The following CTNNA2 variants were observed in gnomAD, a reference collection of about 807,000 sequenced individuals.
CTNNA2 encodes the protein catenin alpha-2.
In CTNNA2, 42 loss-of-function variants were observed where a neutral mutation model predicts 101.0. The observed-to-expected ratio is 0.42, with a 90% confidence interval of 0.32 to 0.54. CTNNA2 has a LOEUF of 0.54. Among genes scored for constraint, CTNNA2 ranks in the 20% least tolerant of loss-of-function variants. The probability of loss-of-function intolerance (pLI) is 0.14; values close to 1 mark genes in which losing one functional copy is unlikely to be tolerated. For synonymous variants in CTNNA2, 450 were observed against 456.4 expected, an observed-to-expected ratio of 0.99 and a Z score of 0.18; for missense variants, 871 against 1,223.1, an observed-to-expected ratio of 0.71 and a Z score of 4.29.
chr2:80,101,213 G>A lies in CTNNA2; in HGVS notation c.1056+191416G>A, dbSNP rs149127631. ...ATTAACTACCACAACAAAAAGATTT[G>A]GAAAATGTCCATTTTGATGCATTTC... is the stretch of plus-strand genomic sequence containing the variant. On this transcript the variant is annotated intron_variant, in intron 7 of 18. Coordinates refer to ENST00000402739, the MANE Select transcript of CTNNA2 (RefSeq NM_001282597.3). Among the ~76,000 whole-genome samples, 32 of 152,206 alleles carry A rather than the reference G, an allele frequency of 2.1e-4. No individual in the cohort carries two copies. The East Asian group carries it at 6.0e-3, about 29-fold the overall frequency.
At chr2:80,142,272 T>C (rs1703061318) in intron 7 of CTNNA2, among the ~76,000 whole-genome samples, 1 of 152,164 alleles carries the variant, frequency 6.6e-6, no homozygotes, top group Non-Finnish European at 1.5e-5. Context: ...CTGTAAGTCA[T>C]TGGGAAGTTG....
intron 2 of CTNNA2, among the ~76,000 whole-genome samples, chr2:79,742,359 AT>A (rs754771990): frequency 2.5e-4 from 38 of 152,136 alleles, no homozygotes; most frequent in East Asian, 1.2e-3. Context: ...CTAAAAAAAA[AT>A]AGATTATGAA....
chr2:80,276,543 C>A (rs1673917033), intron 7 of CTNNA2, among the ~76,000 whole-genome samples: 3 of 152,016 alleles, frequency 2.0e-5, no homozygotes, highest in African/African-American at 7.3e-5. Context: ...AAGCATGGTG[C>A]CAGCACCTGC....
At chr2:79,408,829 T>G (rs1233776284) in intron 4 of CTNNA2, among the ~76,000 whole-genome samples, 3 of 151,838 alleles carry the variant, frequency 2.0e-5, no homozygotes, top group Non-Finnish European at 4.4e-5. Flanking sequence ...ATGGGATGGC[T>G]GGGTCAAATG....
chr2:79,386,925 A>G (rs1292665122), intron 4 of CTNNA2, among the ~76,000 whole-genome samples: 1 of 152,136 alleles, frequency 6.6e-6, no homozygotes, highest in Non-Finnish European at 1.5e-5. Flanking sequence ...CACATTGTCA[A>G]CCTGCCCCCA....
At chr2:80,342,316 A>G (rs1672318531) in intron 7 of CTNNA2, among the ~76,000 whole-genome samples, 1 of 152,210 alleles carries the variant, frequency 6.6e-6, no homozygotes, top group Non-Finnish European at 1.5e-5. Context: ...GAGTTGGGCC[A>G]TCCAGACAAC....
At chr2:79,477,558 GA>G (rs1183935632) in intron 4 of CTNNA2, among the ~76,000 whole-genome samples, 1 of 152,052 alleles carries the variant, frequency 6.6e-6, no homozygotes, top group African/African-American at 2.4e-5. Context: ...GAATAAAGGA[GA>G]AAAAAATGTG....
intron 18 of CTNNA2, among the ~76,000 whole-genome samples, chr2:80,625,884 GTTAAC>G (rs555522512): frequency 3.7e-4 from 56 of 152,044 alleles, no homozygotes; most frequent in South Asian, 3.5e-3. Context: ...TATTTTTCTA[GTTAAC>G]TTAATTTCTT....
intron 7 of CTNNA2, among the ~76,000 whole-genome samples, chr2:80,349,779 G>A (rs890722437): frequency 3.9e-5 from 6 of 151,960 alleles, no homozygotes; most frequent in Admixed American, 1.3e-4. Context: ...CTTAGCCTCC[G>A]GAGTTGCTGG....
At chr2:79,413,743 G>T (rs945433990) in intron 4 of CTNNA2, among the ~76,000 whole-genome samples, 18 of 151,678 alleles carry the variant, frequency 1.2e-4, no homozygotes, top group Admixed American at 8.6e-4. Context: ...TCATATTTTT[G>T]ATAATAGCTG....
chr2:79,621,902 C>T (rs1387398238), intron 1 of CTNNA2, among the ~76,000 whole-genome samples: 2 of 152,276 alleles, frequency 1.3e-5, no homozygotes, highest in East Asian at 3.9e-4. Flanking sequence ...AAAACTCTCA[C>T]ATGAGTAGCA....
At chr2:79,404,962 GTTTA>G (rs1678326521) in intron 4 of CTNNA2, among the ~76,000 whole-genome samples, 1 of 151,960 alleles carries the variant, frequency 6.6e-6, no homozygotes, top group African/African-American at 2.4e-5. Context: ...GAACCATGTA[GTTTA>G]TACACTTAAG....
At chr2:80,426,459 T>C (rs1681001478) in intron 9 of CTNNA2, among the ~76,000 whole-genome samples, 1 of 152,178 alleles carries the variant, frequency 6.6e-6, no homozygotes, top group African/African-American at 2.4e-5. Context: ...ATCTCTACCA[T>C]GCACACCTGA....
intron 7 of CTNNA2, among the ~76,000 whole-genome samples, chr2:80,364,035 A>T (rs1674668597): frequency 6.6e-6 from 1 of 152,078 alleles, no homozygotes; most frequent in Non-Finnish European, 1.5e-5. Flanking sequence ...TGTCATCCTT[A>T]AATATTCTCT....
intron 4 of CTNNA2, among the ~76,000 whole-genome samples, chr2:79,400,871 T>C (rs1678283031): frequency 6.6e-6 from 1 of 151,742 alleles, no homozygotes; most frequent in African/African-American, 2.4e-5. Flanking sequence ...TGTTGAAAAA[T>C]AAAGACCCTT....
At chr2:79,443,903 A>ACTCTCTCTCTCT (rs3979544) in intron 4 of CTNNA2, among the ~76,000 whole-genome samples, 34 of 141,910 alleles carry the variant, frequency 2.4e-4, no homozygotes, top group African/African-American at 5.4e-4. Flanking sequence ...TTGTATACAT[A>ACTCTCTCTCTCT]CTCTCTCTCT....
chr2:79,692,002 CA>C (rs1374582333), intron 2 of CTNNA2, among the ~76,000 whole-genome samples: 1 of 152,106 alleles, frequency 6.6e-6, no homozygotes, highest in African/African-American at 2.4e-5. Flanking sequence ...GCAATGGCAA[CA>C]AAAGGCAAAA....
At chr2:79,844,989 C>CACACACACACACACAA (rs1438935868) in intron 3 of CTNNA2, among the ~76,000 whole-genome samples, 1 of 151,400 alleles carries the variant, frequency 6.6e-6, no homozygotes. Context: ...TACACACACA[C>CACACACACACACACAA]ACACACACAC....
At chr2:79,618,832 T>G (rs1407364067) in intron 1 of CTNNA2, among the ~76,000 whole-genome samples, 1 of 152,220 alleles carries the variant, frequency 6.6e-6, no homozygotes, top group African/African-American at 2.4e-5. Context: ...TGTAGAAGTT[T>G]CCAGTTGCCT....
Sources: gnomAD v4.1 joint callset for allele counts (sites outside exome capture counted in the v4.1 genomes callset) on GRCh38, gnomAD v4.1.1 for gene constraint, MANE v1.5 for transcripts, NCBI Gene and HGNC (gene_info 2026-07-23, HGNC 2026-07-21) for gene names.